Variants in RNF13 observed in about 807,000 individuals in gnomAD.
RNF13 encodes the protein E3 ubiquitin-protein ligase RNF13.
In RNF13, 19 loss-of-function variants were observed where a neutral mutation model predicts 37.7. The ratio of observed to expected loss-of-function variants is 0.50; its 90% CI spans 0.35 to 0.74. The LOEUF (loss-of-function observed/expected upper bound fraction) is 0.74. RNF13 is among the 30% of genes least tolerant of loss of function. RNF13 has a pLI of 0.01. For synonymous variants in RNF13, 144 were observed against 157.8 expected (o/e 0.91, Z 0.65); for missense variants, 375 against 453.0 (o/e 0.83, Z 1.56).
At chr3:149,819,678 G>C (rs1189365487) in intron 1 of RNF13, among the ~76,000 whole-genome samples, 6 of 152,164 alleles carry the variant, frequency 3.9e-5, no homozygotes, top group Non-Finnish European at 5.9e-5. Context: ...GGAATGGCAA[G>C]GGACTAAGCT....
chr3:149,922,736 A>T (rs1217198366), intron 8 of RNF13, among the ~76,000 whole-genome samples: 4 of 152,168 alleles, frequency 2.6e-5, no homozygotes, highest in Non-Finnish European at 2.9e-5. Flanking sequence ...TTTATAGATG[A>T]GGAAAAATCG....
At chr3:149,905,865 G>A (rs976238259) in intron 6 of RNF13, among the ~76,000 whole-genome samples, 2 of 151,898 alleles carry the variant, frequency 1.3e-5, no homozygotes, top group African/African-American at 2.4e-5. Flanking sequence ...CCCATTTAAG[G>A]TGTAAAATTC....
chr3:149,883,465 T>G (rs1488437065), intron 4 of RNF13, among the ~76,000 whole-genome samples: 1 of 152,092 alleles, frequency 6.6e-6, no homozygotes, highest in Non-Finnish European at 1.5e-5. Flanking sequence ...TCTCTGAGCC[T>G]TATGTTTATA....
chr3:149,824,766 T>C (rs770829719), intron 1 of RNF13, among the ~76,000 whole-genome samples: 29 of 151,914 alleles, frequency 1.9e-4, no homozygotes, highest in Non-Finnish European at 2.1e-4. Context: ...TTTGTAAGTA[T>C]GTCTGTATCA....
chr3:149,826,160 T>G (rs1720481810), intron 1 of RNF13, among the ~76,000 whole-genome samples: 1 of 152,232 alleles, frequency 6.6e-6, no homozygotes. Flanking sequence ...AGCGCAGTGC[T>G]GAGCTCCTTG....
At chr3:149,842,317 C>G (rs576134717) in intron 1 of RNF13, among the ~76,000 whole-genome samples, 38 of 152,150 alleles carry the variant, frequency 2.5e-4, no homozygotes, top group Non-Finnish European at 4.9e-4. Flanking sequence ...CTTACTTTCT[C>G]ACTGTGGTCT....
At chr3:149,885,248 A>G (rs1019029844) in intron 4 of RNF13, among the ~76,000 whole-genome samples, 1 of 152,026 alleles carries the variant, frequency 6.6e-6, no homozygotes, top group African/African-American at 2.4e-5. Flanking sequence ...TATACCCAGC[A>G]CTGAGGTTGC....
At chr3:149,866,161 G>A (rs1325776979) in intron 3 of RNF13, among the ~76,000 whole-genome samples, 1 of 152,148 alleles carries the variant, frequency 6.6e-6, no homozygotes, top group South Asian at 2.1e-4. Context: ...AGGGTCGTTG[G>A]ATCTCACACA....
intron 7 of RNF13, among the ~76,000 whole-genome samples, chr3:149,913,475 A>G (rs1404209846): frequency 1.3e-5 from 2 of 152,178 alleles, no homozygotes; most frequent in Non-Finnish European, 2.9e-5. Context: ...AAAACTAAGA[A>G]ACTGACATTG....
intron 8 of RNF13, among the ~76,000 whole-genome samples, chr3:149,925,647 A>C (rs1038913069): frequency 6.6e-6 from 1 of 151,942 alleles, no homozygotes; most frequent in Non-Finnish European, 1.5e-5. Flanking sequence ...GTTTAGGGCT[A>C]TTATAAATCA....
At chr3:149,908,132 T>C (rs796323576) in intron 6 of RNF13, among the ~76,000 whole-genome samples, 2 of 152,350 alleles carry the variant, frequency 1.3e-5, no homozygotes, top group African/African-American at 4.8e-5. Flanking sequence ...TTGTCAATTT[T>C]GGTCTTTTAA....
intron 7 of RNF13, among the ~76,000 whole-genome samples, chr3:149,916,293 TAAC>T (rs930462496): frequency 6.6e-6 from 1 of 152,206 alleles, no homozygotes; most frequent in African/African-American, 2.4e-5. Flanking sequence ...TATACTCAAA[TAAC>T]AATTTAAAGA....
intron 4 of RNF13, among the ~76,000 whole-genome samples, chr3:149,883,406 T>C (rs1353750181): frequency 3.9e-5 from 6 of 152,154 alleles, no homozygotes; most frequent in Non-Finnish European, 7.4e-5. Flanking sequence ...GGAGTTTCAC[T>C]TGGATCTTTA....
At chr3:149,875,093 T>TA (rs1712533165) in intron 4 of RNF13, among the ~76,000 whole-genome samples, 1 of 152,136 alleles carries the variant, frequency 6.6e-6, no homozygotes, top group South Asian at 2.1e-4. Flanking sequence ...AGAAAAATGA[T>TA]ATATTTCCTT....
chr3:149,865,980 G>C (rs979662449), intron 3 of RNF13, among the ~76,000 whole-genome samples: 2 of 152,142 alleles, frequency 1.3e-5, no homozygotes, highest in African/African-American at 4.8e-5. Flanking sequence ...GAGGGCTCCT[G>C]GTTGGCCATT....
At chr3:149,851,998 T>C (rs73870450) in intron 2 of RNF13, among the ~76,000 whole-genome samples, 4,041 of 152,298 alleles carry the variant, frequency 0.027, 69 homozygotes, top group South Asian at 0.036. Context: ...ATGTATTTCA[T>C]TGAATTTGGT....
intron 4 of RNF13, among the ~76,000 whole-genome samples, chr3:149,891,033 A>G (rs1367927273): frequency 6.6e-6 from 1 of 152,180 alleles, no homozygotes; most frequent in East Asian, 1.9e-4. Flanking sequence ...TCTCAGTTCA[A>G]TTCCTCTTTC....
intron 8 of RNF13, among the ~76,000 whole-genome samples, chr3:149,927,969 T>A (rs1718804247): frequency 6.6e-6 from 1 of 151,864 alleles, no homozygotes; most frequent in African/African-American, 2.4e-5. Context: ...ACCTTTTTTC[T>A]TTTTTTGCTT....
intron 4 of RNF13, among the ~76,000 whole-genome samples, chr3:149,892,762 A>T (rs1404975801): frequency 1.3e-5 from 2 of 152,218 alleles, no homozygotes; most frequent in East Asian, 3.8e-4. Context: ...TTCTGAAACT[A>T]TTCCCCCGGT....
Sources: allele counts gnomAD v4.1 joint callset (sites outside exome capture counted in the v4.1 genomes callset), GRCh38; gene constraint gnomAD v4.1.1; transcripts MANE v1.5; gene names NCBI Gene and HGNC (gene_info 2026-07-23, HGNC 2026-07-21).